RIMS2: variants seen among roughly 807,000 people sequenced by gnomAD.
RIMS2 encodes the protein regulating synaptic membrane exocytosis protein 2.
In RIMS2, 59 loss-of-function variants were observed where a neutral mutation model predicts 174.4. That is an observed-to-expected ratio of 0.34 (90% CI 0.27 to 0.42). RIMS2 has a LOEUF of 0.42. RIMS2 is among the 10% of genes least tolerant of loss of function. The pLI is 1.00. For missense variants in RIMS2, 1,620 were observed against 1,666.3 expected (o/e 0.97, Z 0.48); for synonymous variants, 606 against 572.5 (o/e 1.06, Z -0.84).
intron 1 of RIMS2, among the ~76,000 whole-genome samples, chr8:103,556,157 A>G (rs1238978473): frequency 6.6e-6 from 1 of 152,198 alleles, no homozygotes; most frequent in South Asian, 2.1e-4. Context: ...ATAACAGCAT[A>G]TTGTACAGTT....
chr8:103,742,490 G>T (rs2097771201), intron 2 of RIMS2, among the ~76,000 whole-genome samples: 1 of 151,934 alleles, frequency 6.6e-6, no homozygotes. Flanking sequence ...TATCTGTAAG[G>T]GTTTAATACA....
intron 3 of RIMS2, among the ~76,000 whole-genome samples, chr8:103,807,215 T>C (rs1368397704): frequency 1.4e-5 from 2 of 147,236 alleles, no homozygotes; most frequent in African/African-American, 5.0e-5. Flanking sequence ...AAAGACACTG[T>C]GAAAAAATTG....
At chr8:103,654,217 T>C (rs2096494264) in intron 1 of RIMS2, among the ~76,000 whole-genome samples, 1 of 152,008 alleles carries the variant, frequency 6.6e-6, no homozygotes, top group Non-Finnish European at 1.5e-5. Flanking sequence ...CTGTGCCATA[T>C]TATGTATTAA....
At chr8:103,694,558 A>G (rs1166070900) in intron 1 of RIMS2, among the ~76,000 whole-genome samples, 1 of 151,998 alleles carries the variant, frequency 6.6e-6, no homozygotes, top group Non-Finnish European at 1.5e-5. Flanking sequence ...GAGGTTCCAT[A>G]TAGACCTTGT....
intron 15 of RIMS2, among the ~76,000 whole-genome samples, chr8:103,973,540 A>T (rs2093121364): frequency 6.6e-6 from 1 of 152,214 alleles, no homozygotes. Context: ...TAAAATGAAG[A>T]TATCTAGATG....
At chr8:103,631,152 T>C (rs2095909048) in intron 1 of RIMS2, among the ~76,000 whole-genome samples, 1 of 152,266 alleles carries the variant, frequency 6.6e-6, no homozygotes, top group African/African-American at 2.4e-5. Flanking sequence ...ATTTTTGCTT[T>C]TGTTGCAATT....
intron 19 of RIMS2, among the ~76,000 whole-genome samples, chr8:104,052,805 A>C (rs190251486): frequency 6.6e-6 from 1 of 152,290 alleles, no homozygotes; most frequent in East Asian, 1.9e-4. Context: ...AGCCTTCAGC[A>C]TTGATGGGAC....
At chr8:104,132,280 A>G (rs748581717) in intron 19 of RIMS2, among the ~76,000 whole-genome samples, 8 of 152,126 alleles carry the variant, frequency 5.3e-5, no homozygotes, top group Non-Finnish European at 1.2e-4. Context: ...GGGTCATTTC[A>G]GAATTTGTCT....
At chr8:104,117,528 A>G (rs1384635679) in intron 19 of RIMS2, among the ~76,000 whole-genome samples, 1 of 151,900 alleles carries the variant, frequency 6.6e-6, no homozygotes, top group Non-Finnish European at 1.5e-5. Context: ...TTTTATAGTG[A>G]TGGTATCTCT....
chr8:103,742,488 AG>A (rs1355468289), intron 2 of RIMS2, among the ~76,000 whole-genome samples: 1 of 152,132 alleles, frequency 6.6e-6, no homozygotes, highest in Non-Finnish European at 1.5e-5. Flanking sequence ...TATATCTGTA[AG>A]GGTTTAATAC....
At chr8:103,931,124 A>G in intron 11 of RIMS2, 139 bp from the exon 14 acceptor site, 1 of 559,924 alleles carries the variant, frequency 1.8e-6, no homozygotes, top group East Asian at 3.4e-5. Context: ...CTTTTATTTT[A>G]ACTAGCCACA....
At chr8:103,644,584 G>A (rs1246005424) in intron 1 of RIMS2, among the ~76,000 whole-genome samples, 1 of 151,714 alleles carries the variant, frequency 6.6e-6, no homozygotes, top group African/African-American at 2.4e-5. Flanking sequence ...TTTAATTTTG[G>A]TGAGATACTT....
chr8:103,978,719 T>C (rs2093653246), intron 16 of RIMS2, among the ~76,000 whole-genome samples: 1 of 152,210 alleles, frequency 6.6e-6, no homozygotes, highest in Admixed American at 6.5e-5. Context: ...GACAGGGTTA[T>C]AGAAAGAAAG....
At chr8:103,589,458 G>T (rs1170229408) in intron 1 of RIMS2, among the ~76,000 whole-genome samples, 2 of 151,644 alleles carry the variant, frequency 1.3e-5, no homozygotes, top group Admixed American at 1.3e-4. Flanking sequence ...GAAGAAAAGG[G>T]AACCCTTGTA....
At chr8:104,243,373 A>G (rs2099312312) in intron 19 of RIMS2, among the ~76,000 whole-genome samples, 1 of 152,190 alleles carries the variant, frequency 6.6e-6, no homozygotes, top group Non-Finnish European at 1.5e-5. Flanking sequence ...TGGCAATATC[A>G]GCAAATATTT....
intron 3 of RIMS2, among the ~76,000 whole-genome samples, chr8:103,802,828 A>G (rs1323268065): frequency 6.6e-6 from 1 of 152,210 alleles, no homozygotes; most frequent in Non-Finnish European, 1.5e-5. Context: ...AGTCTTTTCA[A>G]AGGTCATACA....
chr8:104,169,370 A>C (rs1013791107), intron 19 of RIMS2, among the ~76,000 whole-genome samples: 31 of 140,946 alleles, frequency 2.2e-4, no homozygotes, highest in African/African-American at 6.8e-4. Flanking sequence ...ACTTGTTATT[A>C]GTCTGTTTAG....
intron 19 of RIMS2, among the ~76,000 whole-genome samples, chr8:104,056,263 G>A (rs913219690): frequency 2.0e-5 from 3 of 151,898 alleles, no homozygotes; most frequent in African/African-American, 4.8e-5. Context: ...AATTAGCCGG[G>A]CATGGTGGCT....
intron 6 of RIMS2, 55 bp downstream of exon 9, chr8:103,912,227 A>G: frequency 7.2e-7 from 1 of 1,391,420 alleles, no homozygotes; most frequent in Admixed American, 1.9e-5. Context: ...ATTTACCAGA[A>G]AAGCAAAGGA....
Sources: allele counts gnomAD v4.1 joint callset (sites outside exome capture counted in the v4.1 genomes callset), GRCh38; gene constraint gnomAD v4.1.1; transcripts MANE v1.5; gene names NCBI Gene and HGNC (gene_info 2026-07-23, HGNC 2026-07-21).